The following ABCA4 variants were observed in gnomAD, a reference collection of about 807,000 sequenced individuals.
ABCA4 encodes the protein retinal-specific phospholipid-transporting ATPase ABCA4.
Under a neutral mutation model 263.7 loss-of-function variants are expected in ABCA4, and 196 were observed. The ratio of observed to expected loss-of-function variants is 0.74; its 90% CI spans 0.66 to 0.84. ABCA4 has a LOEUF of 0.84. Ranked by LOEUF, ABCA4 falls within the 40% of genes least tolerant of loss-of-function variation. The probability of loss-of-function intolerance (pLI) is 0.00; values close to 1 mark genes in which losing one functional copy is unlikely to be tolerated. For missense variants in ABCA4, 2,792 were observed against 2,855.1 expected (o/e 0.98, Z 0.50); for synonymous variants, 1,133 against 1,094.2 (o/e 1.04, Z -0.70).
chr1:94,077,700 T>G lies in ABCA4; in HGVS notation c.1544A>C (p.Gln515Pro). The change falls in exon 11 of 50, where the codon CAA becomes CCA. Residue 515 changes from glutamine to proline, a missense_variant. Physicochemically the swap from Gln to Pro is moderately conservative, Grantham distance 76. Transcript: ENST00000370225. ...ITDRTLRLVNQYLECLVLDKF... is the reference protein window; with the variant it reads ...ITDRTLRLVNPYLECLVLDKF... ...CTTGCAGCCCCTTACCTCCAGGTAT[T>G]GATTGACCAGGCGGAGGGTGCGATC... The G allele has an allele frequency of 6.2e-7, 1 of 1,612,372 alleles. No individual in the cohort carries two copies. The highest frequency in any genetic ancestry group is 8.5e-7 in the Non-Finnish European group (1 of 1,178,816).
At chr1:94,073,539 G>A (rs1287409565) in intron 11 of ABCA4, among the ~76,000 whole-genome samples, 1 of 152,162 alleles carries the variant, frequency 6.6e-6, no homozygotes, top group East Asian at 1.9e-4. Flanking sequence ...ATATGTCAGT[G>A]CTTTGCATGA....
chr1:94,016,847 C>T (rs1659761990), intron 36 of ABCA4, among the ~76,000 whole-genome samples: 1 of 152,118 alleles, frequency 6.6e-6, no homozygotes, highest in Admixed American at 6.5e-5. Flanking sequence ...CTTCTGAGGG[C>T]CACTTCCCAC....
At chr1:94,117,007 T>TTTCTTTCTTTCTTTC (rs1553197145) in intron 1 of ABCA4, among the ~76,000 whole-genome samples, 1,395 of 116,236 alleles carry the variant, frequency 0.012, 20 homozygotes, top group African/African-American at 0.026. Flanking sequence ...TCTTTCTTTC[T>TTTCTTTCTTTCTTTC]TTCTTTCTTT....
At chr1:94,015,444 G>A (rs1468688610) in intron 37 of ABCA4, among the ~76,000 whole-genome samples, 1 of 141,518 alleles carries the variant, frequency 7.1e-6, no homozygotes, top group Non-Finnish European at 1.5e-5. Flanking sequence ...GTTGGGGAAT[G>A]GCTGCCCCCA....
At chr1:94,108,781 A>C in intron 3 of ABCA4, 65 bp from the exon 4 acceptor site, 49 of 1,573,262 alleles carry the variant, frequency 3.1e-5, no homozygotes, top group Non-Finnish European at 3.7e-5. Context: ...ATAATATCTC[A>C]TGCTATTTTT....
intron 48 of ABCA4, among the ~76,000 whole-genome samples, chr1:93,996,798 C>T (rs560725741): frequency 3.3e-5 from 5 of 152,202 alleles, no homozygotes; most frequent in East Asian, 1.9e-4. Context: ...GAATATTATT[C>T]GGCCTGAAAA....
intron 1 of ABCA4, among the ~76,000 whole-genome samples, chr1:94,114,503 T>C (rs12025221): frequency 0.21 from 31,302 of 151,960 alleles, 3,311 homozygotes; most frequent in Middle Eastern, 0.23. Flanking sequence ...TTTTTTCTTT[T>C]TGAGACGGAG....
intron 22 of ABCA4, among the ~76,000 whole-genome samples, chr1:94,042,457 G>T (rs149457970): frequency 9.6e-4 from 146 of 152,298 alleles, no homozygotes; most frequent in African/African-American, 3.2e-3. Flanking sequence ...GGGTCCCCAT[G>T]GTCAGAGAAG....
At position 94,001,888 on chromosome 1, in the gene ABCA4, T is replaced by G. The variant is rs1659194365; in HGVS notation, c.6252A>C (p.Ala2084=). The G allele has an allele frequency of 6.2e-7, 1 of 1,614,110 alleles. No homozygotes were observed. The highest frequency in any genetic ancestry group is 2.2e-5 in the East Asian group (1 of 44,880). Reference sequence around the variant, plus strand: ...GCACCAGCGGTGGGCAGCCAATGAGTGCGATGGCTGTGGAGAGTTTCCGCT... The same window carrying G: ...GCACCAGCGGTGGGCAGCCAATGAGGGCGATGGCTGTGGAGAGTTTCCGCT... ...GNKRKLSTAI[A]LIGCPPLVLL... Residue 2084 remains alanine, a synonymous_variant, in exon 45 of 50, where the codon GCA becomes GCC. Coordinates refer to ENST00000370225, the MANE Select transcript of ABCA4 (RefSeq NM_000350.3).
At chr1:94,046,018 C>T in intron 19 of ABCA4, 1 of 449,708 alleles carries the variant, frequency 2.2e-6, no homozygotes, top group South Asian at 1.6e-5. Context: ...CCTTCTGTTA[C>T]CAGGCGGTTA....
At chr1:94,062,520 C>A in intron 13 of ABCA4, 57 bp downstream of exon 13, 1 of 1,591,294 alleles carries the variant, frequency 6.3e-7, no homozygotes, top group Non-Finnish European at 8.6e-7. Flanking sequence ...CCACCCCAGC[C>A]CACTCCAGCA....
In ABCA4 at chr1:94,079,364, C is replaced by G. The variant is rs372657740; in HGVS notation, c.1197G>C (p.Leu399=). The change falls in exon 9 of 50, where the codon CTG becomes CTC. Residue 399 remains leucine (L), a synonymous_variant. Transcript: ENST00000370225. ...GTGCTGCAGGTGAATCAGGAGTGTA[C>G]AGGATTTTTCCCATCAGCAAAGGCT... The part of the protein sequence containing the change: ...AAKPLLMGKI[L]YTPDSPAARR... The G allele has an allele frequency of 6.2e-7, 1 of 1,614,150 alleles. No homozygotes were observed. Among genetic ancestry groups the G allele is most frequent in the Non-Finnish European group, 8.5e-7 (1 of 1,180,024 alleles).
chr1:93,997,731 C>G lies in ABCA4; in HGVS notation c.6729+130G>C. On this transcript the variant is annotated intron_variant, in intron 48 of 49. Coordinates refer to ENST00000370225, the MANE Select transcript of ABCA4 (RefSeq NM_000350.3). ...AATTTCTGATATATCAGCTTTTACCCCAATAAACAGAGGGCAAGAGTTTGT... is the reference window on the plus strand; with the variant it reads ...AATTTCTGATATATCAGCTTTTACCGCAATAAACAGAGGGCAAGAGTTTGT... 7 of 1,222,832 alleles carry G rather than the reference C, an allele frequency of 5.7e-6. No individual in the cohort carries two copies. The South Asian group carries it at 9.2e-5, about 16-fold the overall frequency. 75.7% of individuals were successfully genotyped at this position (1,222,832 alleles called of 1,614,324 possible).
chr1:94,062,507 A>AC, intron 13 of ABCA4, 70 bp downstream of exon 13: 1 of 840,266 alleles, frequency 1.2e-6, no homozygotes, highest in Non-Finnish European at 1.9e-6. Context: ...GGGCACCCCC[A>AC]GCCCACCCCA....
intron 30 of ABCA4, among the ~76,000 whole-genome samples, chr1:94,028,930 A>AAACAAAAAAC (rs35998587): frequency 2.2e-4 from 24 of 108,026 alleles, no homozygotes; most frequent in Non-Finnish European, 2.3e-4. Flanking sequence ...AAAAAAAAAA[A>AAACAAAAAAC]GAAATTCAAA....
At chr1:94,017,165 T>C (rs1659767778) in intron 36 of ABCA4, among the ~76,000 whole-genome samples, 1 of 152,204 alleles carries the variant, frequency 6.6e-6, no homozygotes, top group Admixed American at 6.5e-5. Context: ...TATTTATATA[T>C]CTTTGAAGTG....
intron 30 of ABCA4, among the ~76,000 whole-genome samples, chr1:94,026,683 C>A (rs759362112): frequency 5.9e-5 from 9 of 152,176 alleles, no homozygotes; most frequent in Non-Finnish European, 1.2e-4. Flanking sequence ...TTTGTGTAAC[C>A]CTATCTCCAC....
chr1:94,110,191 G>A (rs1373768403), intron 3 of ABCA4, among the ~76,000 whole-genome samples: 1 of 152,214 alleles, frequency 6.6e-6, no homozygotes, highest in East Asian at 1.9e-4. Flanking sequence ...CCTTGACTTT[G>A]CTAGGAAGAC....
Position 94,008,873 on chromosome 1 carries a change from T to C in ABCA4, c.5715-2A>G. 1 of 1,612,342 alleles carries C rather than the reference T, an allele frequency of 6.2e-7. No individual in the cohort carries two copies. Among genetic ancestry groups the C allele is most frequent in the African/African-American group, 1.3e-5 (1 of 74,766 alleles). ...GGCTCCTTAGTGGGCTCGGCAATCC[T>C]AGATGAAGAAAAGGGGTCAGGATTG... On this transcript the variant is annotated splice_acceptor_variant, in intron 40 of 49. Coordinates refer to ENST00000370225, the MANE Select transcript of ABCA4 (RefSeq NM_000350.3). LOFTEE classifies it high-confidence loss of function.
Sources: gnomAD v4.1 joint callset for allele counts (sites outside exome capture counted in the v4.1 genomes callset) on GRCh38, gnomAD v4.1.1 for gene constraint, MANE v1.5 for transcripts, NCBI Gene and HGNC (gene_info 2026-07-23, HGNC 2026-07-21) for gene names.